Variants in FHIT observed in about 807,000 individuals in gnomAD.
The protein encoded by FHIT is fragile histidine triad diadenosine triphosphatase, also known as bis(5'-adenosyl)-triphosphatase.
FHIT carries 19 observed loss-of-function variants against 17.9 expected under a neutral mutation model. The ratio of observed to expected loss-of-function variants is 1.06; its 90% CI spans 0.74 to 1.56. FHIT has a LOEUF of 1.56. Ranked by LOEUF, FHIT falls within the 40% of genes most tolerant of loss-of-function variation. The pLI is 0.00. For synonymous variants in FHIT, 81 were observed against 69.7 expected (o/e 1.16, Z -0.81); for missense variants, 248 against 189.2 (o/e 1.31, Z -1.82).
At chr3:61,193,640 G>C (rs1309179208) in intron 2 of FHIT, among the ~76,000 whole-genome samples, 3 of 152,292 alleles carry the variant, frequency 2.0e-5, no homozygotes, top group African/African-American at 7.2e-5. Context: ...ATGCATGCTT[G>C]CAATTCATGC....
intron 5 of FHIT, among the ~76,000 whole-genome samples, chr3:60,290,456 G>T (rs741895): frequency 0.51 from 77,127 of 151,530 alleles, 20,557 homozygotes; most frequent in East Asian, 0.97. Context: ...CCTATGGAGA[G>T]CCTCATGTGG....
chr3:60,992,722 T>A (rs2030341980), intron 3 of FHIT, among the ~76,000 whole-genome samples: 1 of 152,182 alleles, frequency 6.6e-6, no homozygotes, highest in Admixed American at 6.5e-5. Context: ...CTTTCAATTG[T>A]GCTGAATTTG....
At chr3:59,976,923 T>G (rs1244173810) in intron 7 of FHIT, among the ~76,000 whole-genome samples, 1 of 152,092 alleles carries the variant, frequency 6.6e-6, no homozygotes, top group Non-Finnish European at 1.5e-5. Context: ...GAACTAGGCA[T>G]GGCTTGAAGA....
chr3:59,873,310 G>C (rs938910471), intron 8 of FHIT, among the ~76,000 whole-genome samples: 2 of 152,156 alleles, frequency 1.3e-5, no homozygotes, highest in Non-Finnish European at 2.9e-5. Context: ...GGATGGATGG[G>C]TAGATGGACA....
At chr3:60,619,657 C>G (rs2039062632) in intron 4 of FHIT, among the ~76,000 whole-genome samples, 2 of 134,276 alleles carry the variant, frequency 1.5e-5, no homozygotes, top group Non-Finnish European at 3.2e-5. Context: ...ACACTATTCA[C>G]AAAAATTGAC....
At chr3:60,975,424 A>G (rs1487421144) in intron 3 of FHIT, among the ~76,000 whole-genome samples, 2 of 152,216 alleles carry the variant, frequency 1.3e-5, no homozygotes, top group Non-Finnish European at 2.9e-5. Context: ...ATGTATGCTG[A>G]ACTTGAAGTA....
chr3:59,755,066 G>A (rs935650385), intron 8 of FHIT, among the ~76,000 whole-genome samples: 2 of 152,094 alleles, frequency 1.3e-5, no homozygotes, highest in African/African-American at 4.8e-5. Flanking sequence ...ACTGCTTTTT[G>A]GGAGAAGTGT....
intron 5 of FHIT, among the ~76,000 whole-genome samples, chr3:60,089,060 C>A (rs549575302): frequency 1.3e-5 from 2 of 152,260 alleles, no homozygotes; most frequent in African/African-American, 4.8e-5. Flanking sequence ...ATGGCAAGGG[C>A]AGAAATCATC....
At chr3:60,137,506 C>G (rs1338959254) in intron 5 of FHIT, among the ~76,000 whole-genome samples, 1 of 152,170 alleles carries the variant, frequency 6.6e-6, no homozygotes, top group African/African-American at 2.4e-5. Flanking sequence ...GACTAGGTAG[C>G]TAGCTGCCAG....
chr3:60,852,946 G>A (rs1248794931), intron 3 of FHIT, among the ~76,000 whole-genome samples: 1 of 151,972 alleles, frequency 6.6e-6, no homozygotes, highest in African/African-American at 2.4e-5. Context: ...AACATATAGG[G>A]ATATGAAACA....
intron 2 of FHIT, among the ~76,000 whole-genome samples, chr3:61,151,553 G>T (rs1375283226): frequency 8.3e-5 from 10 of 120,126 alleles, no homozygotes; most frequent in Non-Finnish European, 1.6e-4. Context: ...TCACAGAATG[G>T]CTTGTGATAT....
At chr3:59,854,885 C>T (rs1702088899) in intron 8 of FHIT, among the ~76,000 whole-genome samples, 1 of 152,142 alleles carries the variant, frequency 6.6e-6, no homozygotes, top group African/African-American at 2.4e-5. Flanking sequence ...TCTCTTTATC[C>T]AACGGCACAT....
chr3:60,001,938 G>A (rs1383503004), intron 7 of FHIT, among the ~76,000 whole-genome samples: 1 of 152,166 alleles, frequency 6.6e-6, no homozygotes, highest in Non-Finnish European at 1.5e-5. Flanking sequence ...GCACCAGGAT[G>A]GAAAGCATGA....
rs557607438 is a variant in FHIT at position 60,483,010 on chromosome 3, C to A, written c.103+53850G>T. ...GATAATAGGGATATCACCACTGACA[C>A]CACAGAAATACAAACTACCATAAGT... On this transcript the variant is annotated intron_variant, in intron 5 of 9. Coordinates refer to ENST00000492590, the MANE Select transcript of FHIT (RefSeq NM_002012.4). Among the ~76,000 whole-genome samples the A allele has an allele frequency of 2.0e-5, 3 of 152,192 alleles. 1 individual carries two copies. The South Asian group carries it at 6.2e-4, about 32-fold the overall frequency.
chr3:60,248,416 T>C (rs1367134331), intron 5 of FHIT, among the ~76,000 whole-genome samples: 1 of 152,130 alleles, frequency 6.6e-6, no homozygotes, highest in African/African-American at 2.4e-5. Context: ...TTGTATAATA[T>C]TTCCCCTTCA....
At chr3:60,440,795 C>A (rs1267898418) in intron 5 of FHIT, among the ~76,000 whole-genome samples, 1 of 152,010 alleles carries the variant, frequency 6.6e-6, no homozygotes, top group African/African-American at 2.4e-5. Context: ...ATAAAGTAGA[C>A]TCTTTCACAC....
At chr3:60,175,196 T>C (rs1000394098) in intron 5 of FHIT, among the ~76,000 whole-genome samples, 1 of 152,200 alleles carries the variant, frequency 6.6e-6, no homozygotes, top group African/African-American at 2.4e-5. Flanking sequence ...TTTTATAAAA[T>C]GAAGCTTTAG....
chr3:61,152,585 C>T (rs553936498), intron 2 of FHIT, among the ~76,000 whole-genome samples: 1 of 152,050 alleles, frequency 6.6e-6, no homozygotes, highest in South Asian at 2.1e-4. Flanking sequence ...GACCTATTAG[C>T]ATGGAGGTTG....
chr3:61,174,303 C>T (rs1403406995), intron 2 of FHIT, among the ~76,000 whole-genome samples: 1 of 152,210 alleles, frequency 6.6e-6, no homozygotes, highest in African/African-American at 2.4e-5. Context: ...ACAATTCTTA[C>T]AGAGTCTCAA....
Sources: gnomAD v4.1 joint callset for allele counts (sites outside exome capture counted in the v4.1 genomes callset) on GRCh38, gnomAD v4.1.1 for gene constraint, MANE v1.5 for transcripts, NCBI Gene and HGNC (gene_info 2026-07-23, HGNC 2026-07-21) for gene names.